The following PDK3 variants were observed in gnomAD, a reference collection of about 807,000 sequenced individuals.
PDK3 encodes pyruvate dehydrogenase kinase, isozyme 3.
In PDK3, 12 loss-of-function variants were observed where a neutral mutation model predicts 32.0. The observed-to-expected ratio is 0.37, with a 90% confidence interval of 0.24 to 0.61. PDK3 has a LOEUF of 0.61. PDK3 is among the 20% of genes least tolerant of loss of function. The probability of loss-of-function intolerance (pLI) is 0.65; values close to 1 mark genes in which losing one functional copy is unlikely to be tolerated. For missense variants in PDK3, 188 were observed against 316.9 expected, an observed-to-expected ratio of 0.59 and a Z score of 3.09; for synonymous variants, 122 against 116.3, an observed-to-expected ratio of 1.05 and a Z score of -0.31.
At chrX:24,530,485 A>G (rs1422696191) in intron 9 of PDK3, among the ~76,000 whole-genome samples, 1 of 111,964 alleles carries the variant, frequency 8.9e-6, no homozygotes, top group Non-Finnish European at 1.9e-5. Flanking sequence ...TCATATGTTC[A>G]GATGAAAACA....
intron 1 of PDK3, among the ~76,000 whole-genome samples, chrX:24,474,628 G>A (rs1178658042): frequency 1.8e-5 from 2 of 109,542 alleles, no homozygotes; most frequent in Non-Finnish European, 3.8e-5. Context: ...TGGCCAGGCT[G>A]GTCTCGAACT....
chrX:24,474,403 A>T (rs1921055655), intron 1 of PDK3, among the ~76,000 whole-genome samples: 1 of 104,475 alleles, frequency 9.6e-6, no homozygotes, highest in Non-Finnish European at 2.0e-5. Context: ...TTATTTATTT[A>T]TTTATTTATT....
intron 5 of PDK3, among the ~76,000 whole-genome samples, chrX:24,518,486 AAACAAACAAACG>A (rs1453780182): frequency 1.8e-5 from 2 of 111,441 alleles, no homozygotes; most frequent in Admixed American, 9.5e-5. Context: ...CTGTCTCAAA[AAACAAACAAACG>A]AACAAACAAA....
In PDK3 at chrX:24,510,094, A is replaced by G. The variant is rs1426566584; in HGVS notation, c.595+4796A>G. The stretch of plus-strand genomic sequence containing the variant: ...GCACGGAGTAAAAATCTTACCTGGA[A>G]TTTATACCCAGGTTGCTTCACAAGT... On this transcript the variant is annotated intron_variant, in intron 5 of 10. Coordinates refer to ENST00000379162, the MANE Select transcript of PDK3 (RefSeq NM_005391.5). Among the ~76,000 whole-genome samples, 24 of 112,101 alleles carry G rather than the reference A, an allele frequency of 2.1e-4. No homozygotes were observed. The Admixed American group carries it at 2.3e-3, about 11-fold the overall frequency.
exon 12 of PDK3, chrX:24,546,978 C>A (rs1177049794): frequency 8.9e-6 from 1 of 112,599 alleles, no homozygotes; most frequent in Non-Finnish European, 1.9e-5. Flanking sequence ...GTTCATAATG[C>A]ATCCTGTATG....
intron 5 of PDK3, among the ~76,000 whole-genome samples, chrX:24,510,936 T>C (rs1467303275): frequency 8.9e-6 from 1 of 112,452 alleles, no homozygotes; most frequent in Non-Finnish European, 1.9e-5. Flanking sequence ...TCATTTCCTA[T>C]GGACCCTCCT....
intron 1 of PDK3, among the ~76,000 whole-genome samples, chrX:24,477,050 T>A (rs908436271): frequency 1.8e-5 from 2 of 111,774 alleles, no homozygotes; most frequent in African/African-American, 3.3e-5. Flanking sequence ...CTATCTGGAG[T>A]GTGACTTTTG....
intron 1 of PDK3, among the ~76,000 whole-genome samples, chrX:24,477,299 C>G (rs1741354428): frequency 9.0e-6 from 1 of 111,509 alleles, no homozygotes; most frequent in South Asian, 3.7e-4. Flanking sequence ...GGTTTTTTGT[C>G]TGCTTTTTGT....
At chrX:24,514,869 C>T (rs778890753) in intron 5 of PDK3, among the ~76,000 whole-genome samples, 1 of 111,370 alleles carries the variant, frequency 9.0e-6, no homozygotes, top group Non-Finnish European at 1.9e-5. Flanking sequence ...GCTACTGCCT[C>T]GGAATTTCCA....
intron 6 of PDK3, among the ~76,000 whole-genome samples, chrX:24,523,261 C>T (rs145227528): frequency 3.1e-4 from 35 of 112,442 alleles, no homozygotes; most frequent in Non-Finnish European, 3.6e-4. Context: ...GCCCTCATAA[C>T]CTAATCACCT....
In PDK3 at chrX:24,534,000, G is replaced by T; in HGVS notation, c.1149G>T (p.Thr383=). ...CCGCATGGCGCCATTACAAGACCACGCCTGAAGCCGATGATTGGAGCAATC... is the reference window on the plus strand; with the variant it reads ...CCGCATGGCGCCATTACAAGACCACTCCTGAAGCCGATGATTGGAGCAATC... ...NKSAWRHYKT[T]PEADDWSNPS... Residue 383 remains threonine (T), a synonymous_variant, in exon 11 of 11, where the codon ACG becomes ACT. Transcript: ENST00000379162. The T allele has an allele frequency of 8.3e-7, 1 of 1,210,186 alleles. No individual in the cohort carries two copies. Among genetic ancestry groups the T allele is most frequent in the Non-Finnish European group, 1.1e-6 (1 of 894,707 alleles).
chrX:24,472,241 A>G (rs936524107), intron 1 of PDK3, among the ~76,000 whole-genome samples: 1 of 112,005 alleles, frequency 8.9e-6, no homozygotes, highest in Non-Finnish European at 1.9e-5. Flanking sequence ...ATGGGTCACC[A>G]CTTGTCAGCC....
intron 5 of PDK3, among the ~76,000 whole-genome samples, chrX:24,515,036 T>C (rs1922218758): frequency 1.8e-5 from 2 of 112,289 alleles, no homozygotes; most frequent in East Asian, 2.8e-4. Flanking sequence ...AACTTAATCA[T>C]GGGTCAGAGG....
chrX:24,531,867 T>G, intron 10 of PDK3, 97 bp downstream of exon 10: 1 of 435,058 alleles, frequency 2.3e-6, no homozygotes. Flanking sequence ...TCTCTTAGAT[T>G]CATCTCAGAT....
chrX:24,505,219 TG>T lies in PDK3; in HGVS notation c.521del (p.Gly174ValfsTer11). ...MLINQHTLLF[G>X]GDTNPVHPKH... Reference sequence around the variant, plus strand: ...TTTGTGTTCGTCTAGCACTTCTGTTTGGGGGTGACACTAATCCTGTTCATCC... The same window carrying T: ...TTTGTGTTCGTCTAGCACTTCTGTTTGGGGTGACACTAATCCTGTTCATCC... On this transcript the variant is annotated frameshift_variant, in exon 5 of 11. Coordinates refer to ENST00000379162, the MANE Select transcript of PDK3 (RefSeq NM_005391.5). LOFTEE classifies it high-confidence loss of function. The T allele has an allele frequency of 8.3e-7, 1 of 1,201,974 alleles. No individual in the cohort carries two copies. Among genetic ancestry groups the T allele is most frequent in the Middle Eastern group, 2.3e-4 (1 of 4,317 alleles).
intron 5 of PDK3, 39 bp downstream of exon 5, chrX:24,505,337 A>C (rs772286360): frequency 6.7e-6 from 7 of 1,051,951 alleles, no homozygotes; most frequent in Admixed American, 2.2e-5. Flanking sequence ...CGTAGTTCAA[A>C]TTGGATTGTG....
intron 2 of PDK3, among the ~76,000 whole-genome samples, chrX:24,495,758 G>A (rs184356398): frequency 7.0e-4 from 78 of 112,139 alleles, no homozygotes; most frequent in African/African-American, 2.5e-3. Flanking sequence ...CTCCCCAGAG[G>A]TTGAGGGTAG....
chrX:24,545,369 A>G (rs1404286134), exon 12 of PDK3: 1 of 112,229 alleles, frequency 8.9e-6, no homozygotes, highest in African/African-American at 3.2e-5. Flanking sequence ...CATGGTTTGG[A>G]GACCTGGAGC....
chrX:24,491,942 C>G (rs781094720), intron 1 of PDK3, among the ~76,000 whole-genome samples: 13 of 110,896 alleles, frequency 1.2e-4, no homozygotes, highest in Non-Finnish European at 2.3e-4. Context: ...TCTCCAAAAG[C>G]AAACAAACCC....
Sources: gnomAD v4.1 joint callset for allele counts (sites outside exome capture counted in the v4.1 genomes callset) on GRCh38, gnomAD v4.1.1 for gene constraint, MANE v1.5 for transcripts, NCBI Gene and HGNC (gene_info 2026-07-23, HGNC 2026-07-21) for gene names.